PAPSS2: variants seen among roughly 807,000 people sequenced by gnomAD.
The protein encoded by PAPSS2 is 3'-phosphoadenosine 5'-phosphosulfate synthase 2, also known as bifunctional 3'-phosphoadenosine 5'-phosphosulfate synthase 2.
A neutral mutation model predicts 66.5 loss-of-function variants in PAPSS2; 61 were observed. That is an observed-to-expected ratio of 0.92 (90% CI 0.75 to 1.14). The LOEUF (loss-of-function observed/expected upper bound fraction) is 1.14, where lower values mean the gene tolerates loss of function less well. Among genes scored for constraint, PAPSS2 ranks in the 50% most tolerant of loss-of-function variants. PAPSS2 has a pLI of 0.00. For missense variants in PAPSS2, 708 were observed against 789.6 expected, an observed-to-expected ratio of 0.90 and a Z score of 1.24; for synonymous variants, 289 against 287.5, an observed-to-expected ratio of 1.01 and a Z score of -0.05.
chr10:87,697,261 G>A (rs1428257909), intron 1 of PAPSS2, among the ~76,000 whole-genome samples: 1 of 152,202 alleles, frequency 6.6e-6, no homozygotes, highest in African/African-American at 2.4e-5. Context: ...GATCAGGCAG[G>A]CTCAGGGCTC....
At chr10:87,744,154 C>T (rs933437532) in intron 11 of PAPSS2, among the ~76,000 whole-genome samples, 3 of 151,974 alleles carry the variant, frequency 2.0e-5, no homozygotes, top group Non-Finnish European at 4.4e-5. Context: ...TTATACATTG[C>T]CTTTGAGAAT....
chr10:87,703,247 A>AAT (rs10639669), intron 1 of PAPSS2, among the ~76,000 whole-genome samples: 78,765 of 151,092 alleles, frequency 0.52, 22,263 homozygotes, highest in African/African-American at 0.74. Context: ...GGGCTTTAAT[A>AAT]CAGAGCAGCA....
Position 87,709,296 on chromosome 10 carries a change from G to GT in PAPSS2, c.129dup (p.Thr44TyrfsTer43). ...GGAACAAGGGGTGGGTTCCGAGGAT[G>GT]TACCGTGTGGCTAACAGGTATGTCA... On this transcript the variant is annotated frameshift_variant, in exon 2 of 13. Transcript: ENST00000456849. LOFTEE classifies it high-confidence loss of function. 1.2e-6 allele frequency: 2 copies of GT among 1,603,668 alleles called. No individual in the cohort carries two copies. The highest frequency in any genetic ancestry group is 1.7e-6 in the Non-Finnish European group (2 of 1,171,826).
intron 1 of PAPSS2, among the ~76,000 whole-genome samples, chr10:87,679,152 T>C (rs2131902761): frequency 6.6e-6 from 1 of 152,300 alleles, no homozygotes; most frequent in Non-Finnish European, 1.5e-5. Flanking sequence ...CTGGAGATCA[T>C]TATATTAAAT....
At chr10:87,731,452 G>A (rs1327732536) in intron 9 of PAPSS2, among the ~76,000 whole-genome samples, 3 of 152,176 alleles carry the variant, frequency 2.0e-5, no homozygotes, top group African/African-American at 7.2e-5. Flanking sequence ...GCAGCCCACG[G>A]ATCAAAGAGT....
At position 87,727,334 on chromosome 10, in the gene PAPSS2, G is replaced by C. The variant is rs751727686; in HGVS notation, c.931G>C (p.Asp311His). ...IPIVLPVSAE[D>H]KTRLEGCSKF... Reference sequence around the variant, plus strand: ...CATTGTACTGCCCGTCTCTGCAGAGGATAAGACACGGCTGGAAGGGTGCAG... The same window carrying C: ...CATTGTACTGCCCGTCTCTGCAGAGCATAAGACACGGCTGGAAGGGTGCAG... Residue 311 changes from aspartate to histidine, a missense_variant, in exon 9 of 13, where the codon GAT becomes CAT. Asp to His is a moderately conservative substitution (Grantham distance 81, BLOSUM62 -1). Coordinates refer to ENST00000456849, the MANE Select transcript of PAPSS2 (RefSeq NM_001015880.2). 1.2e-5 allele frequency: 19 copies of C among 1,614,042 alleles called. No homozygotes were observed. Among genetic ancestry groups the C allele is most frequent in the Non-Finnish European group, 1.6e-5 (19 of 1,180,006 alleles).
In PAPSS2 at chr10:87,741,355, A is replaced by G. The variant is rs373053696; in HGVS notation, c.1207A>G (p.Lys403Glu). 121 of 1,612,916 alleles carry G rather than the reference A, an allele frequency of 7.5e-5. No individual in the cohort carries two copies. In the East Asian group the frequency reaches 8.0e-4, roughly 11 times the overall value. Residue 403 changes from lysine to glutamate, a missense_variant, in exon 10 of 13, where the codon AAA becomes GAA. By Grantham distance (56) the Lys-to-Glu change is moderately conservative. Transcript: ENST00000456849. ...LTPLELKQKC[K>E]EMNADAVFAF... ...ACCTCTGGAGCTCAAACAGAAATGT[A>G]AAGAAATGAATGCTGGTATGTAAAC... is the stretch of plus-strand genomic sequence containing the variant.
intron 1 of PAPSS2, among the ~76,000 whole-genome samples, chr10:87,689,062 CA>C (rs1414394935): frequency 6.6e-6 from 1 of 152,118 alleles, no homozygotes; most frequent in East Asian, 1.9e-4. Flanking sequence ...GGGCCGGGGC[CA>C]GTTGCGGTGG....
intron 1 of PAPSS2, among the ~76,000 whole-genome samples, chr10:87,701,380 CTTTCT>C (rs1418246245): frequency 1.2e-5 from 1 of 80,958 alleles, no homozygotes; most frequent in Non-Finnish European, 2.2e-5. Flanking sequence ...TTCTTTCTTT[CTTTCT>C]TTCTTTCTTT....
At chr10:87,706,231 C>A (rs927769454) in intron 1 of PAPSS2, among the ~76,000 whole-genome samples, 3 of 148,880 alleles carry the variant, frequency 2.0e-5, no homozygotes, top group Non-Finnish European at 4.4e-5. Flanking sequence ...AGGGATTCTT[C>A]TTTGTTTGGT....
chr10:87,683,724 C>G (rs984307446), intron 1 of PAPSS2, among the ~76,000 whole-genome samples: 1 of 149,374 alleles, frequency 6.7e-6, no homozygotes, highest in Non-Finnish European at 1.5e-5. Flanking sequence ...AGGTTTCACT[C>G]TGTCACCCAG....
At chr10:87,670,912 C>CTTG (rs147319535) in intron 1 of PAPSS2, among the ~76,000 whole-genome samples, 49 of 152,240 alleles carry the variant, frequency 3.2e-4, no homozygotes, top group Non-Finnish European at 6.5e-4. Flanking sequence ...GTTATTAATC[C>CTTG]TTGTTGTCAT....
At chr10:87,744,901 T>C (rs2131732140) in intron 11 of PAPSS2, 101 bp from the exon 12 acceptor site, 1 of 974,962 alleles carries the variant, frequency 1.0e-6, no homozygotes, top group Middle Eastern at 3.1e-4. Flanking sequence ...TTGACTCACA[T>C]TGCTGAATTA....
intron 1 of PAPSS2, among the ~76,000 whole-genome samples, chr10:87,699,592 C>T (rs1462547207): frequency 6.6e-6 from 1 of 152,182 alleles, no homozygotes; most frequent in African/African-American, 2.4e-5. Context: ...TGGCTCACGC[C>T]TGTAATCCTA....
intron 11 of PAPSS2, among the ~76,000 whole-genome samples, chr10:87,744,217 G>A (rs1405985334): frequency 6.6e-6 from 1 of 152,186 alleles, no homozygotes; most frequent in African/African-American, 2.4e-5. Flanking sequence ...TGGGTGATAG[G>A]GCAAGTTGTA....
At chr10:87,671,712 C>T (rs983928617) in intron 1 of PAPSS2, among the ~76,000 whole-genome samples, 5 of 152,080 alleles carry the variant, frequency 3.3e-5, no homozygotes, top group African/African-American at 9.7e-5. Context: ...GTTAATATTT[C>T]GTGGTTCAGG....
chr10:87,746,361 C>A lies in PAPSS2; in HGVS notation c.*391C>A, dbSNP rs1007287803. On this transcript the variant is annotated 3_prime_UTR_variant, in exon 13 of 13. Transcript: ENST00000456849. The stretch of plus-strand genomic sequence containing the variant: ...CCTGTACTCTTCCAATGTCATTTAT[C>A]AGTTGTAAAATATATCAGATTGTGT... The A allele has an allele frequency of 1.1e-4, 18 of 162,190 alleles. No individual in the cohort carries two copies. The allele number at this position is 162,190 out of a possible 1,614,324, so 10.0% of individuals were successfully genotyped here. A position where few individuals can be genotyped will look rare whatever the true frequency, so the allele number is the denominator to read the frequency against.
At chr10:87,712,921 G>A (rs1853480007) in intron 2 of PAPSS2, among the ~76,000 whole-genome samples, 154 bp from the exon 3 acceptor site, 2 of 150,868 alleles carry the variant, frequency 1.3e-5, no homozygotes, top group African/African-American at 4.9e-5. Flanking sequence ...TGAGAGAAAT[G>A]TAAGTACTTG....
At chr10:87,701,384 CTT>C (rs58710752) in intron 1 of PAPSS2, among the ~76,000 whole-genome samples, 2,785 of 62,462 alleles carry the variant, frequency 0.045, 51 homozygotes, top group African/African-American at 0.058. Context: ...TTCTTTCTTT[CTT>C]TCTTTCTTTC....
Sources: gnomAD v4.1 joint callset for allele counts (sites outside exome capture counted in the v4.1 genomes callset) on GRCh38, gnomAD v4.1.1 for gene constraint, MANE v1.5 for transcripts, NCBI Gene and HGNC (gene_info 2026-07-23, HGNC 2026-07-21) for gene names.